LPP: variants seen among roughly 807,000 people sequenced by gnomAD.
The protein encoded by LPP is lipoma-preferred partner.
In LPP, 38 loss-of-function variants were observed where a neutral mutation model predicts 60.4. The observed-to-expected ratio is 0.63, with a 90% CI of 0.49 to 0.83. The LOEUF (loss-of-function observed/expected upper bound fraction) is 0.83, where lower values mean the gene tolerates loss of function less well. Among genes scored for constraint, LPP ranks in the 40% least tolerant of loss-of-function variants. The pLI, the probability that LPP is intolerant of heterozygous loss-of-function variation, is 0.00. For missense variants in LPP, 902 were observed against 783.6 expected (o/e 1.15, Z -1.80); for synonymous variants, 328 against 290.8 (o/e 1.13, Z -1.30).
At chr3:188,811,167 A>G (rs906455226) in intron 9 of LPP, among the ~76,000 whole-genome samples, 1 of 152,094 alleles carries the variant, frequency 6.6e-6, no homozygotes, top group Non-Finnish European at 1.5e-5. Context: ...CTCATAGAAA[A>G]GTGTACCTAT....
At chr3:188,870,083 A>G (rs150957008) in intron 10 of LPP, among the ~76,000 whole-genome samples, 8 of 152,316 alleles carry the variant, frequency 5.3e-5, no homozygotes, top group East Asian at 1.9e-4. Context: ...ATAGAGTTTT[A>G]TAAGTCTGCT....
At chr3:188,539,657 A>G (rs1195263684) in intron 6 of LPP, among the ~76,000 whole-genome samples, 1 of 152,188 alleles carries the variant, frequency 6.6e-6, no homozygotes, top group Non-Finnish European at 1.5e-5. Context: ...TGAGTTGATA[A>G]CACATTTCAG....
chr3:188,555,283 A>G (rs1829208940), intron 6 of LPP, among the ~76,000 whole-genome samples: 1 of 152,126 alleles, frequency 6.6e-6, no homozygotes, highest in South Asian at 2.1e-4. Context: ...TCATGATCAC[A>G]TAGAACCTCA....
At chr3:188,230,704 C>T (rs147312431) in intron 2 of LPP, among the ~76,000 whole-genome samples, 2,802 of 149,366 alleles carry the variant, frequency 0.019, 40 homozygotes, top group South Asian at 0.034. Flanking sequence ...ACCCAGGAGG[C>T]GGAGGTTGCG....
At chr3:188,801,722 G>C (rs1747347690) in intron 9 of LPP, among the ~76,000 whole-genome samples, 1 of 151,860 alleles carries the variant, frequency 6.6e-6, no homozygotes, top group South Asian at 2.1e-4. Flanking sequence ...GGTGACCTTG[G>C]GTAGATCTTC....
At chr3:188,301,492 G>C (rs748683621) in intron 2 of LPP, among the ~76,000 whole-genome samples, 1 of 152,142 alleles carries the variant, frequency 6.6e-6, no homozygotes, top group African/African-American at 2.4e-5. Flanking sequence ...GGAATGTTTT[G>C]CTAAGAATCA....
At chr3:188,753,087 T>C (rs982428612) in intron 8 of LPP, among the ~76,000 whole-genome samples, 3 of 152,156 alleles carry the variant, frequency 2.0e-5, no homozygotes, top group Non-Finnish European at 4.4e-5. Flanking sequence ...ATGTGCTGAT[T>C]GAGAAAATGG....
chr3:188,201,056 T>A (rs984841462), intron 1 of LPP, among the ~76,000 whole-genome samples: 23 of 152,344 alleles, frequency 1.5e-4, no homozygotes, highest in African/African-American at 5.1e-4. Context: ...AATTTTCCAG[T>A]TCAGTTTAAT....
At chr3:188,804,859 A>G (rs1748595847) in intron 9 of LPP, among the ~76,000 whole-genome samples, 1 of 152,110 alleles carries the variant, frequency 6.6e-6, no homozygotes, top group Non-Finnish European at 1.5e-5. Flanking sequence ...TATTAAGCTG[A>G]GCAAGTTTCC....
intron 1 of LPP, among the ~76,000 whole-genome samples, chr3:188,167,030 G>A (rs1720162898): frequency 6.6e-6 from 1 of 152,192 alleles, no homozygotes; most frequent in South Asian, 2.1e-4. Context: ...GGTTTGGAGA[G>A]TTAGAAGGTT....
At chr3:188,804,283 A>ATATATATATAT (rs1553853277) in intron 9 of LPP, among the ~76,000 whole-genome samples, 407 of 126,402 alleles carry the variant, frequency 3.2e-3, no homozygotes, top group Middle Eastern at 3.8e-3. Flanking sequence ...ATATATATAT[A>ATATATATATAT]AAATGGAATA....
chr3:188,779,423 C>T (rs748210741), intron 9 of LPP, among the ~76,000 whole-genome samples: 4 of 152,174 alleles, frequency 2.6e-5, no homozygotes, highest in South Asian at 2.1e-4. Context: ...GAATAGCACA[C>T]GCAAGGACCC....
chr3:188,260,681 C>T (rs559813264), intron 2 of LPP, among the ~76,000 whole-genome samples: 11 of 152,216 alleles, frequency 7.2e-5, no homozygotes, highest in African/African-American at 2.2e-4. Context: ...GACTCAACAA[C>T]AGCTGTTTGA....
At chr3:188,324,858 C>T (rs543644559) in intron 2 of LPP, among the ~76,000 whole-genome samples, 35 of 152,298 alleles carry the variant, frequency 2.3e-4, no homozygotes, top group African/African-American at 8.2e-4. Flanking sequence ...CCACTTCACA[C>T]TGAGTTTATC....
At chr3:188,592,553 T>TTTTTTTTGTTTG (rs1553936328) in intron 6 of LPP, among the ~76,000 whole-genome samples, 14 of 121,344 alleles carry the variant, frequency 1.2e-4, no homozygotes, top group African/African-American at 3.5e-4. Flanking sequence ...TTAGTTTTGT[T>TTTTTTTTGTTTG]TTTGTTTTTT....
At chr3:188,154,334 C>A (rs1376246014) in intron 1 of LPP, among the ~76,000 whole-genome samples, 82 bp downstream of exon 1, 1 of 152,120 alleles carries the variant, frequency 6.6e-6, no homozygotes, top group Non-Finnish European at 1.5e-5. Flanking sequence ...GGCGCGAGCG[C>A]CTCCGGGGTG....
chr3:188,213,517 C>G (rs759508500), intron 1 of LPP, among the ~76,000 whole-genome samples: 4 of 152,156 alleles, frequency 2.6e-5, no homozygotes, highest in Non-Finnish European at 5.9e-5. Context: ...GATGTTAGAA[C>G]TGTCCACACT....
At chr3:188,740,495 A>G (rs6763915) in intron 8 of LPP, among the ~76,000 whole-genome samples, 33,064 of 151,972 alleles carry the variant, frequency 0.22, 4,183 homozygotes, top group Middle Eastern at 0.43. Context: ...TTATTCCACA[A>G]TGTTAGAAAA....
intron 1 of LPP, among the ~76,000 whole-genome samples, chr3:188,154,833 C>T (rs904592094): frequency 1.3e-5 from 2 of 152,146 alleles, no homozygotes; most frequent in Non-Finnish European, 2.9e-5. Context: ...TCAAACCTGG[C>T]CTAGGGTAGA....
Sources: gnomAD v4.1 joint callset for allele counts (sites outside exome capture counted in the v4.1 genomes callset) on GRCh38, gnomAD v4.1.1 for gene constraint, MANE v1.5 for transcripts, NCBI Gene and HGNC (gene_info 2026-07-23, HGNC 2026-07-21) for gene names.